The following KLB variants were observed in gnomAD, a reference collection of about 807,000 sequenced individuals.
KLB encodes the protein beta-klotho.
In KLB, 44 loss-of-function variants were observed where a neutral mutation model predicts 88.4. That is an observed-to-expected ratio of 0.50 (90% CI 0.39 to 0.64). The LOEUF (loss-of-function observed/expected upper bound fraction) is 0.64, where lower values mean the gene tolerates loss of function less well. KLB is among the 30% of genes least tolerant of loss of function. The pLI is 0.00. For missense variants in KLB, 1,137 were observed against 1,304.8 expected, an observed-to-expected ratio of 0.87 and a Z score of 1.98; for synonymous variants, 548 against 513.4, an observed-to-expected ratio of 1.07 and a Z score of -0.91.
intron 2 of KLB, among the ~76,000 whole-genome samples, chr4:39,435,422 A>AT (rs970629307): frequency 9.5e-5 from 13 of 136,328 alleles, no homozygotes; most frequent in South Asian, 2.3e-4. Flanking sequence ...CCAGCCTGAA[A>AT]TTTTTTTTTC....
At chr4:39,444,603 A>G (rs980701545) in intron 3 of KLB, among the ~76,000 whole-genome samples, 1 of 152,204 alleles carries the variant, frequency 6.6e-6, no homozygotes, top group Non-Finnish European at 1.5e-5. Flanking sequence ...AATCATACAC[A>G]CTTGCTGAGA....
rs139319166 is a variant in KLB at position 39,448,800 on chromosome 4, C to G, written c.*114C>G. ...AGACAATCTGAGATACAGCTGTAAC[C>G]AAGGTGATGACAATTGTCTCTGCTG... On this transcript the variant is annotated 3_prime_UTR_variant, in exon 5 of 5. Coordinates refer to ENST00000257408, the MANE Select transcript of KLB (RefSeq NM_175737.4). The G allele has an allele frequency of 3.6e-4, 362 of 1,005,588 alleles. No individual in the cohort carries two copies. The African/African-American group carries it at 5.3e-3, about 15-fold the overall frequency. 62.3% of individuals were successfully genotyped at this position (1,005,588 alleles called of 1,614,324 possible).
chr4:39,442,655 G>A (rs938923961), intron 3 of KLB, among the ~76,000 whole-genome samples: 3 of 152,026 alleles, frequency 2.0e-5, no homozygotes, highest in Middle Eastern at 3.4e-3. Flanking sequence ...GGCTGCTCTC[G>A]AACTCCTGAC....
intron 3 of KLB, 80 bp downstream of exon 3, chr4:39,438,075 A>ATCTCT: frequency 1.8e-5 from 23 of 1,289,624 alleles, no homozygotes; most frequent in Non-Finnish European, 2.4e-5. Flanking sequence ...CAGCTAAGAG[A>ATCTCT]TAGCTGTCAG....
At chr4:39,436,213 C>G (rs1204164046) in intron 2 of KLB, among the ~76,000 whole-genome samples, 5 of 152,080 alleles carry the variant, frequency 3.3e-5, no homozygotes. Flanking sequence ...TTCTGTTGCT[C>G]TCTTTAGAAG....
rs116381448 is a variant in KLB at position 39,416,522 on chromosome 4, G to A, written c.825+8748G>A. Among the ~76,000 whole-genome samples, 746 of 152,174 alleles carry A rather than the reference G, an allele frequency of 4.9e-3. 7 individuals carry two copies. The highest frequency in any genetic ancestry group is 0.017 in the African/African-American group (712 of 41,504). On this transcript the variant is annotated intron_variant, in intron 1 of 4. Transcript: ENST00000257408. ...AGGGTCAAGTGCAGTGACTCATGCC[G>A]GTAATCCCAACACTTTGGGAGGCTG...
intron 3 of KLB, among the ~76,000 whole-genome samples, chr4:39,438,712 G>T (rs938356280): frequency 1.3e-5 from 2 of 152,358 alleles, no homozygotes; most frequent in African/African-American, 4.8e-5. Context: ...GCAGTGCTGG[G>T]CACATGGCAG....
intron 2 of KLB, 86 bp downstream of exon 2, chr4:39,434,806 G>T (rs1457303840): frequency 5.7e-6 from 6 of 1,050,902 alleles, no homozygotes; most frequent in African/African-American, 3.2e-5. Flanking sequence ...AACTATTATT[G>T]TTGGGCTTTT....
chr4:39,417,184 A>G (rs1742983326), intron 1 of KLB, among the ~76,000 whole-genome samples: 1 of 152,180 alleles, frequency 6.6e-6, no homozygotes, highest in Non-Finnish European at 1.5e-5. Flanking sequence ...TCTTATAGCT[A>G]AAAAATTAGC....
Position 39,447,009 on chromosome 4 carries a change from C to T in KLB, c.2283C>T (p.Ala761=), listed in dbSNP as rs781012711. 1.2e-6 allele frequency: 2 copies of T among 1,610,392 alleles called. No homozygotes were observed. The highest frequency in any genetic ancestry group is 1.1e-5 in the South Asian group (1 of 91,082). The change falls in exon 4 of 5, where the codon GCC becomes GCT. Residue 761 remains alanine (A), a synonymous_variant. Coordinates refer to ENST00000257408, the MANE Select transcript of KLB (RefSeq NM_175737.4). ...NPYADSHWRA[A]ERFLQFEIAW... ...ATGCTGACTCGCACTGGAGGGCGGC[C>T]GAGCGCTTCCTGCAGTTCGAGATCG...
chr4:39,431,586 TG>T (rs1476074312), intron 1 of KLB, among the ~76,000 whole-genome samples: 1 of 152,202 alleles, frequency 6.6e-6, no homozygotes, highest in Non-Finnish European at 1.5e-5. Context: ...TGGGAATACC[TG>T]GGTGCTAAAT....
At chr4:39,445,308 C>T (rs1173192592) in intron 3 of KLB, among the ~76,000 whole-genome samples, 1 of 152,128 alleles carries the variant, frequency 6.6e-6, no homozygotes, top group Non-Finnish European at 1.5e-5. Flanking sequence ...GGGCTCTCTC[C>T]TTCGTGGAGA....
At chr4:39,439,957 C>T (rs1394828031) in intron 3 of KLB, among the ~76,000 whole-genome samples, 6 of 152,108 alleles carry the variant, frequency 3.9e-5, no homozygotes, top group Admixed American at 3.3e-4. Context: ...CATGAGCCAC[C>T]ACGCCCAGCC....
chr4:39,447,662 A>AAC (rs1211413605), intron 4 of KLB, among the ~76,000 whole-genome samples, 187 bp downstream of exon 4: 1 of 152,222 alleles, frequency 6.6e-6, no homozygotes, highest in East Asian at 1.9e-4. Context: ...TCATAAAAGT[A>AAC]ACACACACCA....
chr4:39,437,173 G>GCAGGAA (rs1743489674), intron 2 of KLB, among the ~76,000 whole-genome samples: 1 of 152,182 alleles, frequency 6.6e-6, no homozygotes, highest in Non-Finnish European at 1.5e-5. Context: ...CTGGAGCATA[G>GCAGGAA]CAGGGTAAGC....
chr4:39,437,060 A>G (rs1743487816), intron 2 of KLB, among the ~76,000 whole-genome samples: 1 of 152,224 alleles, frequency 6.6e-6, no homozygotes, highest in Admixed American at 6.5e-5. Flanking sequence ...TTACTGAATC[A>G]GAGTTTTAAA....
At chr4:39,407,865 T>G in intron 1 of KLB, 91 bp downstream of exon 1, 1 of 720,822 alleles carries the variant, frequency 1.4e-6, no homozygotes, top group Non-Finnish European at 2.1e-6. Context: ...TTCACTGAAA[T>G]CAAGGCAACT....
At position 39,447,086 on chromosome 4, in the gene KLB, G is replaced by A. The variant is rs757238969; in HGVS notation, c.2360G>A (p.Arg787Lys). 6.2e-6 allele frequency: 10 copies of A among 1,613,110 alleles called. No individual in the cohort carries two copies. Among genetic ancestry groups the A allele is most frequent in the Non-Finnish European group, 6.8e-6 (8 of 1,180,000 alleles). ...FKTGDYPAAM[R>K]EYIASKHRRG... Reference sequence around the variant, plus strand: ...ACCGGGGACTACCCCGCGGCCATGAGGGAATACATTGCCTCCAAGCACCGA... The same window carrying A: ...ACCGGGGACTACCCCGCGGCCATGAAGGAATACATTGCCTCCAAGCACCGA... Residue 787 changes from arginine (R) to lysine (K), a missense_variant, in exon 4 of 5, where the codon AGG becomes AAG. Physicochemically the swap from Arg to Lys is conservative, Grantham distance 26. This residue lies in a region of KLB where 426 missense variants were observed against 404.6 expected (regional missense o/e 1.05). Transcript: ENST00000257408.
At chr4:39,445,825 A>AT (rs953921139) in intron 3 of KLB, among the ~76,000 whole-genome samples, 9 of 151,714 alleles carry the variant, frequency 5.9e-5, no homozygotes, top group African/African-American at 1.7e-4. Context: ...CCCGGCCTGG[A>AT]TTTTTTAAAT....
Sources: allele counts gnomAD v4.1 joint callset (sites outside exome capture counted in the v4.1 genomes callset), GRCh38; gene constraint gnomAD v4.1.1; regional missense constraint gnomAD v4.1.1; transcripts MANE v1.5; gene names NCBI Gene and HGNC (gene_info 2026-07-23, HGNC 2026-07-21).